XYLT2: variants seen among roughly 807,000 people sequenced by gnomAD.
The protein encoded by XYLT2 is xylosyltransferase 2, also known as UDP-D-xylose:proteoglycan core protein beta-D-xylosyltransferase.
A neutral mutation model predicts 82.6 loss-of-function variants in XYLT2; 37 were observed. The observed-to-expected ratio is 0.45, with a 90% CI of 0.34 to 0.59. The LOEUF (loss-of-function observed/expected upper bound fraction) is 0.59. Among genes scored for constraint, XYLT2 ranks in the 20% least tolerant of loss-of-function variants. XYLT2 has a pLI of 0.01. For missense variants in XYLT2, 934 were observed against 1,181.3 expected (o/e 0.79, Z 3.07); for synonymous variants, 474 against 499.0 (o/e 0.95, Z 0.67).
In XYLT2 at chr17:50,360,569, T is replaced by C. The variant is rs906596779; in HGVS notation, c.*278T>C. ...CCTGTCTAGTTTGAATTTCTTTTTT[T>C]TCTTTTTTTTTTTTTTTTTTTAATT... On this transcript the variant is annotated 3_prime_UTR_variant, in exon 11 of 11. Coordinates refer to ENST00000017003, the MANE Select transcript of XYLT2 (RefSeq NM_022167.4). 7.5e-4 allele frequency: 815 copies of C among 1,080,726 alleles called. 2 individuals are homozygous for C. In the African/African-American group the frequency reaches 0.017, roughly 22 times the overall value. The allele number at this position is 1,080,726 out of a possible 1,614,324, so 66.9% of individuals were successfully genotyped here.
In XYLT2 at chr17:50,346,602, G is replaced by GC. The variant is rs886934637; in HGVS notation, c.135+328dup. ...GCGGCGAGCGGGGCTGGGAGGCGGG[G>GC]CTGGGCCCGAACCTGCTCGGAGGTG... On this transcript the variant is annotated intron_variant, in intron 1 of 10. Transcript: ENST00000017003. The surrounding 1 kb of genome is among the most constrained non-coding windows in gnomAD (Gnocchi z 5.1). 9.1e-6 allele frequency: 9 copies of GC among 985,002 alleles called. No homozygotes were observed. The highest frequency in any genetic ancestry group is 8.4e-6 in the Non-Finnish European group (7 of 829,542). 61.0% of individuals were successfully genotyped at this position (985,002 alleles called of 1,614,324 possible).
Position 50,361,069 on chromosome 17 carries a change from CA to C in XYLT2, c.*779del, listed in dbSNP as rs1567809783. ...GGGAAGAAGACTCTGTCAAGACTCTCAGAAGAACCTGGAGTAATTGTGCCTG... is the reference window on the plus strand; with the variant it reads ...GGGAAGAAGACTCTGTCAAGACTCTCGAAGAACCTGGAGTAATTGTGCCTG... On this transcript the variant is annotated 3_prime_UTR_variant, in exon 11 of 11. Transcript: ENST00000017003. 1.0e-6 allele frequency: 1 copy of C among 985,810 alleles called. No homozygotes were observed. The highest frequency in any genetic ancestry group is 6.1e-5 in the Admixed American group (1 of 16,268). The allele number at this position is 985,810 out of a possible 1,614,324, so 61.1% of individuals were successfully genotyped here.
Position 50,353,947 on chromosome 17 carries a change from C to A in XYLT2, c.453C>A (p.Pro151=). The change falls in exon 2 of 11, where the codon CCC becomes CCA. Residue 151 remains proline (P), a synonymous_variant. Coordinates refer to ENST00000017003, the MANE Select transcript of XYLT2 (RefSeq NM_022167.4). ...ATACAGGGAGCGTGGAGGGCGCCCC[C>A]CAGCCCACGGACAATGGCTTCACCC... ...HGDTGSVEGA[P]QPTDNGFTPK... 11 of 1,606,906 alleles carry A rather than the reference C, an allele frequency of 6.8e-6. No individual in the cohort carries two copies. The highest frequency in any genetic ancestry group is 9.3e-6 in the Non-Finnish European group (11 of 1,179,884).
At chr17:50,359,182 TG>T (rs1235472781) in intron 10 of XYLT2, 10 of 152,792 alleles carry the variant, frequency 6.5e-5, no homozygotes, top group African/African-American at 2.4e-4. Context: ...TCTGGCCAGG[TG>T]GGCAGGGTCA....
At chr17:50,349,946 G>A (rs1459909966) in intron 1 of XYLT2, among the ~76,000 whole-genome samples, 2 of 152,058 alleles carry the variant, frequency 1.3e-5, no homozygotes, top group Non-Finnish European at 2.9e-5. Flanking sequence ...ACTTTGGGAG[G>A]CTGAGGCGGG....
intron 1 of XYLT2, among the ~76,000 whole-genome samples, chr17:50,349,414 A>G (rs1400996101): frequency 6.6e-6 from 1 of 151,878 alleles, no homozygotes; most frequent in Non-Finnish European, 1.5e-5. Context: ...CTCTTCTCGG[A>G]TGGGAATGGG....
At chr17:50,354,745 G>A (rs1420470620) in intron 3 of XYLT2, 109 bp from the exon 4 acceptor site, 14 of 1,550,502 alleles carry the variant, frequency 9.0e-6, no homozygotes, top group African/African-American at 1.4e-5. Context: ...CTTAGGGGCT[G>A]GAGCCCTGCC....
At position 50,346,173 on chromosome 17, in the gene XYLT2, G is replaced by T. The variant is rs1413981179; in HGVS notation, c.33G>T (p.Val11=). The change falls in exon 1 of 11, where the codon GTG becomes GTT. Residue 11 remains valine, a synonymous_variant. Coordinates refer to ENST00000017003, the MANE Select transcript of XYLT2 (RefSeq NM_022167.4). The surrounding 1 kb of genome is among the most constrained non-coding windows in gnomAD (Gnocchi z 5.1). ...CGAGCGCGCGAGTGCAGAAGCTGGTGCGGCGCTACAAGCTGGCGATTGCCA... is the reference window on the plus strand; with the variant it reads ...CGAGCGCGCGAGTGCAGAAGCTGGTTCGGCGCTACAAGCTGGCGATTGCCA... MVASARVQKL[V]RRYKLAIATA... The T allele has an allele frequency of 2.5e-5, 32 of 1,287,162 alleles. No individual in the cohort carries two copies. The highest frequency in any genetic ancestry group is 3.2e-5 in the Non-Finnish European group (32 of 991,728). The allele number at this position is 1,287,162 out of a possible 1,614,324, so 79.7% of individuals were successfully genotyped here. A position where few individuals can be genotyped will look rare whatever the true frequency, so the allele number is the denominator to read the frequency against.
chr17:50,355,187 GC>G, intron 4 of XYLT2, 131 bp downstream of exon 4: 2 of 1,000,664 alleles, frequency 2.0e-6, no homozygotes, highest in Non-Finnish European at 2.9e-6. Flanking sequence ...TCAGACATGG[GC>G]CCCTGGGCCC....
chr17:50,352,665 C>T (rs1271750277), intron 1 of XYLT2, among the ~76,000 whole-genome samples: 1 of 152,202 alleles, frequency 6.6e-6, no homozygotes, highest in Admixed American at 6.5e-5. Context: ...GGAGAGGCAG[C>T]AGGTACCAGA....
Position 50,350,548 on chromosome 17 carries a change from T to C in XYLT2, c.136-3082T>C, listed in dbSNP as rs559291725. 9.0e-4 allele frequency among the ~76,000 whole-genome samples: 136 copies of C among 150,330 alleles called. 1 individual carries two copies. The highest frequency in any genetic ancestry group is 5.0e-3 in the South Asian group (23 of 4,636). Reference sequence around the variant, plus strand: ...CACCACTGCACTCCAGCCTGGGCAATAGAGTGAGACTGCCTCAGAAAAACA... The same window carrying C: ...CACCACTGCACTCCAGCCTGGGCAACAGAGTGAGACTGCCTCAGAAAAACA... On this transcript the variant is annotated intron_variant, in intron 1 of 10. Coordinates refer to ENST00000017003, the MANE Select transcript of XYLT2 (RefSeq NM_022167.4).
chr17:50,350,440 A>ATG (rs1912215784), intron 1 of XYLT2, among the ~76,000 whole-genome samples: 2 of 112,202 alleles, frequency 1.8e-5, no homozygotes, highest in Non-Finnish European at 3.8e-5. Flanking sequence ...GGTGGTGCGA[A>ATG]CCTGTAATCC....
chr17:50,352,587 G>A (rs1410435564), intron 1 of XYLT2, among the ~76,000 whole-genome samples: 7 of 152,190 alleles, frequency 4.6e-5, no homozygotes, highest in African/African-American at 7.2e-5. Flanking sequence ...ATGGGGGAAC[G>A]GAGGAGGAGG....
chr17:50,352,999 G>T (rs1054472765), intron 1 of XYLT2, among the ~76,000 whole-genome samples: 1 of 152,162 alleles, frequency 6.6e-6, no homozygotes, highest in African/African-American at 2.4e-5. Flanking sequence ...GCCAGCTCCT[G>T]CCCCATCGTT....
At chr17:50,352,542 G>C (rs1174097248) in intron 1 of XYLT2, among the ~76,000 whole-genome samples, 2 of 152,244 alleles carry the variant, frequency 1.3e-5, no homozygotes, top group African/African-American at 4.8e-5. Context: ...GGATCTGAAA[G>C]CATGGATGGG....
chr17:50,357,342 G>T, intron 9 of XYLT2, 90 bp downstream of exon 9: 1 of 1,346,162 alleles, frequency 7.4e-7, no homozygotes, highest in African/African-American at 1.5e-5. Flanking sequence ...GGAGGGGTAA[G>T]GTTATTTTTC....
chr17:50,354,010 A>G lies in XYLT2; in HGVS notation c.516A>G (p.Ala172=), dbSNP rs1272971320. 7 of 1,607,162 alleles carry G rather than the reference A, an allele frequency of 4.4e-6. No individual in the cohort carries two copies. Among genetic ancestry groups the G allele is most frequent in the Admixed American group, 3.3e-5 (2 of 59,988 alleles). Residue 172 remains alanine (A), a synonymous_variant, in exon 2 of 11, where the codon GCA becomes GCG. Coordinates refer to ENST00000017003, the MANE Select transcript of XYLT2 (RefSeq NM_022167.4). The stretch of plus-strand genomic sequence containing the variant: ...TCGTGGGCAAGGACGCACTGTCTGC[A>G]CTGGCCCGGGCCAGCACCAAGCAGT... ...CEIVGKDALS[A]LARASTKQCQ...
In XYLT2 at chr17:50,356,611, C is replaced by G; in HGVS notation, c.1583C>G (p.Pro528Arg). 9 of 1,614,162 alleles carry G rather than the reference C, an allele frequency of 5.6e-6. No individual in the cohort carries two copies. The highest frequency in any genetic ancestry group is 7.6e-6 in the Non-Finnish European group (9 of 1,180,012). ...TTCCACCTGTATGGCAGCTACCCCC[C>G]CGGCACGCCAGCCCTCAAGGCCTAC... ...LDFHLYGSYP[P>R]GTPALKAYWE... Residue 528 changes from proline to arginine, a missense_variant, in exon 8 of 11, where the codon CCC becomes CGC. Physicochemically the swap from Pro to Arg is moderately radical, Grantham distance 103 (BLOSUM62 -2). Around this residue, in one of 3 missense-constraint regions of XYLT2, gnomAD observed 374 missense variants for 465.6 expected, o/e 0.80. Coordinates refer to ENST00000017003, the MANE Select transcript of XYLT2 (RefSeq NM_022167.4).
intron 1 of XYLT2, among the ~76,000 whole-genome samples, chr17:50,350,642 C>T (rs530071093): frequency 1.2e-4 from 19 of 152,180 alleles, no homozygotes; most frequent in African/African-American, 4.3e-4. Flanking sequence ...GTGAACAAAA[C>T]AGGAAAAAAG....
Sources: allele counts gnomAD v4.1 joint callset (sites outside exome capture counted in the v4.1 genomes callset), GRCh38; gene constraint gnomAD v4.1.1; regional missense constraint gnomAD v4.1.1; non-coding constraint Gnocchi (gnomAD v3.1); transcripts MANE v1.5; gene names NCBI Gene and HGNC (gene_info 2026-07-23, HGNC 2026-07-21).